CCDC141: variants seen among roughly 807,000 people sequenced by gnomAD.
The protein encoded by CCDC141 is coiled-coil domain containing 141.
Under a neutral mutation model 181.0 loss-of-function variants are expected in CCDC141, and 168 were observed. The observed-to-expected ratio is 0.93, with a 90% confidence interval of 0.82 to 1.05. The LOEUF is 1.05. Among genes scored for constraint, CCDC141 ranks in the 50% least tolerant of loss-of-function variants. The pLI is 0.00. For synonymous variants in CCDC141, 666 were observed against 642.3 expected, an observed-to-expected ratio of 1.04 and a Z score of -0.56; for missense variants, 1,902 against 1,788.5, an observed-to-expected ratio of 1.06 and a Z score of -1.14.
intron 2 of CCDC141, among the ~76,000 whole-genome samples, chr2:178,987,544 G>C (rs1397558760): frequency 6.6e-6 from 1 of 151,578 alleles, no homozygotes; most frequent in Non-Finnish European, 1.5e-5. Flanking sequence ...CTACAACATG[G>C]GAGAAAATTT....
At chr2:178,893,536 C>A (rs1300447049) in intron 8 of CCDC141, among the ~76,000 whole-genome samples, 2 of 152,006 alleles carry the variant, frequency 1.3e-5, no homozygotes, top group Non-Finnish European at 2.9e-5. Flanking sequence ...TGTCTATGGA[C>A]AAATTATACT....
chr2:179,028,929 C>T (rs2042929618), intron 2 of CCDC141, among the ~76,000 whole-genome samples: 1 of 152,094 alleles, frequency 6.6e-6, no homozygotes, highest in South Asian at 2.1e-4. Context: ...TAAATCTACC[C>T]CCGCTTTAAA....
Position 178,975,109 on chromosome 2 carries a change from C to T in CCDC141, c.474G>A (p.Glu158=). The T allele has an allele frequency of 6.5e-7, 1 of 1,529,208 alleles. No homozygotes were observed. The highest frequency in any genetic ancestry group is 8.8e-7 in the Non-Finnish European group (1 of 1,131,020). The allele number at this position is 1,529,208 out of a possible 1,614,324, so 94.7% of individuals were successfully genotyped here. A position where few individuals can be genotyped will look rare whatever the true frequency, so the allele number is the denominator to read the frequency against. ...EDFLQNTHEF[E]SAESLKSLLQ... ...GAAGTGATTTTAAGGACTCAGCACT[C>T]TCAAACTCATGAGTATTCTGGAGGA... Residue 158 remains glutamate (E), a synonymous_variant, in exon 4 of 24, where the codon GAG becomes GAA. Coordinates refer to ENST00000443758, the MANE Select transcript of CCDC141 (RefSeq NM_173648.4).
chr2:178,899,081 G>A (rs745481899), intron 8 of CCDC141, among the ~76,000 whole-genome samples: 90 of 151,884 alleles, frequency 5.9e-4, no homozygotes, highest in Non-Finnish European at 7.8e-4. Context: ...CAACAATGGC[G>A]GTCCGACAAG....
chr2:179,033,235 AATAAC>A (rs71401711), intron 2 of CCDC141, among the ~76,000 whole-genome samples: 14,715 of 151,770 alleles, frequency 0.097, 910 homozygotes, highest in South Asian at 0.26. Context: ...TTCAGAAAGA[AATAAC>A]ATAACAAAAA....
intron 5 of CCDC141, among the ~76,000 whole-genome samples, chr2:178,956,172 C>T (rs373957262): frequency 5.9e-5 from 9 of 152,170 alleles, no homozygotes; most frequent in East Asian, 3.8e-4. Flanking sequence ...CCCCAGGATC[C>T]GTACTCTTAC....
Position 178,855,369 on chromosome 2 carries a change from T to C in CCDC141, c.3038A>G (p.His1013Arg). Residue 1013 changes from histidine to arginine, a missense_variant, in exon 19 of 24, where the codon CAT becomes CGT. Coordinates refer to ENST00000443758, the MANE Select transcript of CCDC141 (RefSeq NM_173648.4). ...DYKKNLDLTEHFQEVIEECHF... is the reference protein window; with the variant it reads ...DYKKNLDLTERFQEVIEECHF... The stretch of plus-strand genomic sequence containing the variant: ...TACCTCTTCTATCACCTCCTGGAAA[T>C]GCTCAGTCAGGTCCAAATTCTTCTT... The C allele has an allele frequency of 6.2e-7, 1 of 1,610,744 alleles. No homozygotes were observed. The highest frequency in any genetic ancestry group is 8.5e-7 in the Non-Finnish European group (1 of 1,179,062).
intron 6 of CCDC141, among the ~76,000 whole-genome samples, chr2:178,922,726 A>T (rs919123226): frequency 1.3e-5 from 2 of 152,376 alleles, no homozygotes; most frequent in Admixed American, 6.5e-5. Context: ...CTTCAGTATA[A>T]ATTTTGCAGA....
chr2:178,980,110 A>G (rs996784296), intron 2 of CCDC141, among the ~76,000 whole-genome samples: 3 of 152,146 alleles, frequency 2.0e-5, no homozygotes, highest in Non-Finnish European at 4.4e-5. Flanking sequence ...TTAATTAAAA[A>G]CCCAATGAAA....
chr2:178,951,903 C>A (rs1206164649), intron 5 of CCDC141, among the ~76,000 whole-genome samples: 1 of 152,170 alleles, frequency 6.6e-6, no homozygotes, highest in Non-Finnish European at 1.5e-5. Flanking sequence ...TGTCCCCATC[C>A]CCCTTACCAA....
At chr2:178,990,633 G>A (rs1692010199) in intron 2 of CCDC141, among the ~76,000 whole-genome samples, 1 of 151,324 alleles carries the variant, frequency 6.6e-6, no homozygotes, top group East Asian at 1.9e-4. Flanking sequence ...GGGAATGGAA[G>A]GGAAGTGAGA....
At chr2:178,936,349 G>C (rs762170967) in intron 6 of CCDC141, among the ~76,000 whole-genome samples, 10 of 152,098 alleles carry the variant, frequency 6.6e-5, no homozygotes, top group Non-Finnish European at 1.0e-4. Context: ...TTATTGAATA[G>C]GGAGTCTTTA....
chr2:179,034,904 T>C (rs1451258068), intron 2 of CCDC141, among the ~76,000 whole-genome samples: 2 of 152,210 alleles, frequency 1.3e-5, no homozygotes, highest in Non-Finnish European at 2.9e-5. Flanking sequence ...TGAAGGATTA[T>C]AACCATTTGA....
intron 2 of CCDC141, among the ~76,000 whole-genome samples, chr2:179,021,088 A>G (rs1157840029): frequency 3.9e-5 from 6 of 152,208 alleles, no homozygotes; most frequent in African/African-American, 1.2e-4. Flanking sequence ...ACCAAAATGT[A>G]AGATAATTAT....
chr2:179,015,505 A>ATC (rs1408121934), intron 2 of CCDC141, among the ~76,000 whole-genome samples: 2 of 40,234 alleles, frequency 5.0e-5, no homozygotes, highest in Non-Finnish European at 7.5e-5. Context: ...TGCCATATAT[A>ATC]TCATATATGT....
chr2:178,910,879 A>C (rs938088005), intron 7 of CCDC141, among the ~76,000 whole-genome samples: 1 of 152,208 alleles, frequency 6.6e-6, no homozygotes, highest in Admixed American at 6.5e-5. Flanking sequence ...CTGAGAAAAC[A>C]CTGGAATAAA....
intron 2 of CCDC141, among the ~76,000 whole-genome samples, chr2:179,011,409 A>G (rs929951228): frequency 6.6e-5 from 10 of 152,206 alleles, no homozygotes; most frequent in African/African-American, 2.4e-4. Context: ...GACCTTGTCC[A>G]ACAGAAAAAT....
chr2:178,985,920 C>T (rs1691707095), intron 2 of CCDC141, among the ~76,000 whole-genome samples: 1 of 152,182 alleles, frequency 6.6e-6, no homozygotes, highest in South Asian at 2.1e-4. Flanking sequence ...CCTTCTGAAA[C>T]TATTCCAATC....
At position 178,944,562 on chromosome 2, in the gene CCDC141, C is replaced by A. The variant is rs1575248730; in HGVS notation, c.870G>T (p.Lys290Asn). ...TTGCTTTTATTATCAGTTCCTCTTGCTTATGAATTCGATCCTCATTGTCTG... is the reference window on the plus strand; with the variant it reads ...TTGCTTTTATTATCAGTTCCTCTTGATTATGAATTCGATCCTCATTGTCTG... Reference protein sequence around the residue: ...SLSDNEDRIHKQEELIIKAKE... With the variant: ...SLSDNEDRIHNQEELIIKAKE... Residue 290 changes from lysine to asparagine, a missense_variant, in exon 6 of 24, where the codon AAG (lysine) becomes AAT (asparagine). Lys to Asn is a moderately conservative substitution (Grantham distance 94, BLOSUM62 0). Coordinates refer to ENST00000443758, the MANE Select transcript of CCDC141 (RefSeq NM_173648.4). 3.3e-6 allele frequency: 5 copies of A among 1,530,004 alleles called. No individual in the cohort carries two copies. Among genetic ancestry groups the A allele is most frequent in the Non-Finnish European group, 4.4e-6 (5 of 1,134,172 alleles). The allele number at this position is 1,530,004 out of a possible 1,614,324, so 94.8% of individuals were successfully genotyped here.
Sources: allele counts gnomAD v4.1 joint callset (sites outside exome capture counted in the v4.1 genomes callset), GRCh38; gene constraint gnomAD v4.1.1; transcripts MANE v1.5; gene names NCBI Gene and HGNC (gene_info 2026-07-23, HGNC 2026-07-21).